CEP152: variants seen among roughly 807,000 people sequenced by gnomAD.
CEP152 encodes the protein centrosomal protein 152, also known as centrosomal protein of 152 kDa.
A neutral mutation model predicts 188.9 loss-of-function variants in CEP152; 132 were observed. The ratio of observed to expected loss-of-function variants is 0.70; its 90% CI spans 0.61 to 0.81. CEP152 has a LOEUF of 0.81. Ranked by LOEUF, CEP152 falls within the 30% of genes least tolerant of loss-of-function variation. The probability of loss-of-function intolerance (pLI) is 0.00; values close to 1 mark genes in which losing one functional copy is unlikely to be tolerated. For missense variants in CEP152, 1,914 were observed against 1,969.8 expected (o/e 0.97, Z 0.54); for synonymous variants, 649 against 666.6 (o/e 0.97, Z 0.41).
At position 48,738,854 on chromosome 15, in the gene CEP152, A is replaced by C. The variant is rs1566971351; in HGVS notation, c.4528T>G (p.Cys1510Gly). 6.2e-7 allele frequency: 1 copy of C among 1,614,218 alleles called. No homozygotes were observed. The highest frequency in any genetic ancestry group is 8.5e-7 in the Non-Finnish European group (1 of 1,180,016). ...CCTGATTCAGAAGGACCAGGGGTACATCTAGGTGAGGGTTTATTTCCTAAG... is the reference window on the plus strand; with the variant it reads ...CCTGATTCAGAAGGACCAGGGGTACCTCTAGGTGAGGGTTTATTTCCTAAG... ...GTLGNKPSPRCTPGPSESGCM... is the reference protein window; with the variant it reads ...GTLGNKPSPRGTPGPSESGCM... Residue 1510 changes from cysteine to glycine, a missense_variant, in exon 27 of 27, where the codon TGT becomes GGT. Coordinates refer to ENST00000380950, the MANE Select transcript of CEP152 (RefSeq NM_001194998.2).
At chr15:48,793,496 T>C (rs1595689882) in intron 6 of CEP152, 35 bp from the exon 7 acceptor site, 1 of 1,574,728 alleles carries the variant, frequency 6.4e-7, no homozygotes, top group Non-Finnish European at 8.7e-7. Flanking sequence ...GATAAAAACA[T>C]ACCAAAATAT....
chr15:48,735,492 T>C (rs779732112), downstream of CEP152, among the ~76,000 whole-genome samples: 3 of 152,142 alleles, frequency 2.0e-5, no homozygotes, highest in Non-Finnish European at 2.9e-5. Flanking sequence ...CCCAGCACTT[T>C]GGGAGGCGGA....
chr15:48,808,488 A>C (rs928718237), intron 1 of CEP152, among the ~76,000 whole-genome samples: 8 of 152,256 alleles, frequency 5.3e-5, no homozygotes, highest in African/African-American at 1.7e-4. Context: ...GAAATGAGAA[A>C]AAGACAATCC....
At chr15:48,758,633 C>T (rs544718809) in intron 19 of CEP152, among the ~76,000 whole-genome samples, 12 of 143,704 alleles carry the variant, frequency 8.4e-5, no homozygotes, top group Non-Finnish European at 1.5e-4. Flanking sequence ...GCAGGAGAAT[C>T]GCTTGAACCC....
chr15:48,803,717 A>C (rs890589036), intron 2 of CEP152, among the ~76,000 whole-genome samples: 1 of 152,198 alleles, frequency 6.6e-6, no homozygotes, highest in African/African-American at 2.4e-5. Context: ...ATTATCTAGA[A>C]TTAATTGCCT....
At position 48,748,488 on chromosome 15, in the gene CEP152, G is replaced by A. The variant is rs1185530126; in HGVS notation, c.3589C>T (p.Gln1197Ter). ...GCTTTGTGCTTCCTTTCTAAATGCT[G>A]AAGATGCCTACAGCATTTCTCCAGT... is the stretch of plus-strand genomic sequence containing the variant. ...GKLEKCCRHL[Q>*]HLERKHKAVV... The change falls in exon 22 of 27, where the codon CAG becomes TAG. Residue 1197 changes from glutamine (Q) to a stop codon, truncating the protein, a stop_gained. Transcript: ENST00000380950. LOFTEE classifies it high-confidence loss of function. 6.5e-7 allele frequency: 1 copy of A among 1,534,290 alleles called. No homozygotes were observed. Among genetic ancestry groups the A allele is most frequent in the African/African-American group, 1.4e-5 (1 of 72,920 alleles).
Position 48,782,223 on chromosome 15 carries a change from T to C in CEP152, c.1329A>G (p.Val443=), listed in dbSNP as rs587783415. ...QCAHLLQSGS[V]QEVAQLQFQL... The stretch of plus-strand genomic sequence containing the variant: ...GGAACTGTAGCTGAGCCACCTCTTG[T>C]ACTGACCCTGCAGAGGAAAGAACCA... Residue 443 remains valine (V), a synonymous_variant, in exon 11 of 27, where the codon GTA becomes GTG. Transcript: ENST00000380950. 2.5e-6 allele frequency: 4 copies of C among 1,613,750 alleles called. No homozygotes were observed. The highest frequency in any genetic ancestry group is 2.5e-6 in the Non-Finnish European group (3 of 1,179,744).
At chr15:48,778,584 C>T (rs184364660) in intron 12 of CEP152, among the ~76,000 whole-genome samples, 1 of 152,150 alleles carries the variant, frequency 6.6e-6, no homozygotes, top group Admixed American at 6.6e-5. Flanking sequence ...CCACTGAATG[C>T]GTCCATCATT....
intron 6 of CEP152, among the ~76,000 whole-genome samples, chr15:48,793,697 T>C (rs1262892672): frequency 1.3e-5 from 2 of 152,198 alleles, no homozygotes; most frequent in Non-Finnish European, 1.5e-5. Flanking sequence ...TTCATATAGA[T>C]ACATGTTGTA....
downstream of CEP152, among the ~76,000 whole-genome samples, chr15:48,735,043 T>G (rs529913930): frequency 1.7e-4 from 26 of 152,230 alleles, no homozygotes; most frequent in African/African-American, 5.3e-4. Flanking sequence ...GAATACTCCA[T>G]CCAAAAAGAG....
At position 48,739,298 on chromosome 15, in the gene CEP152, G is replaced by T. The variant is rs547839984; in HGVS notation, c.4094-10C>A. 6 of 1,594,220 alleles carry T rather than the reference G, an allele frequency of 3.8e-6. No individual in the cohort carries two copies. Among genetic ancestry groups the T allele is most frequent in the Non-Finnish European group, 5.1e-6 (6 of 1,173,932 alleles). On this transcript the variant is annotated splice_polypyrimidine_tract_variant and intron_variant, in intron 26 of 26. Transcript: ENST00000380950. Reference sequence around the variant, plus strand: ...GAAGTTAGGGGCAGTGCTATTATGTGCAAGGAAACACGAAATTAAGAGAAA... The same window carrying T: ...GAAGTTAGGGGCAGTGCTATTATGTTCAAGGAAACACGAAATTAAGAGAAA...
chr15:48,791,575 G>A (rs886117384), intron 7 of CEP152, among the ~76,000 whole-genome samples, 199 bp from the exon 8 acceptor site: 8 of 152,042 alleles, frequency 5.3e-5, no homozygotes, highest in Non-Finnish European at 8.8e-5. Context: ...TTGAGACAGC[G>A]TCTCACTCCG....
intron 7 of CEP152, 53 bp from the exon 8 acceptor site, chr15:48,791,429 T>C: frequency 6.8e-7 from 1 of 1,481,062 alleles, no homozygotes; most frequent in Non-Finnish European, 9.4e-7. Context: ...GGGACCCCAA[T>C]GTCACAATCC....
At chr15:48,795,952 G>A (rs946673885) in intron 6 of CEP152, 58 bp downstream of exon 6, 1 of 1,405,760 alleles carries the variant, frequency 7.1e-7, no homozygotes, top group Non-Finnish European at 1.0e-6. Flanking sequence ...TATTCATTGT[G>A]TATTCAAATT....
downstream of CEP152, among the ~76,000 whole-genome samples, chr15:48,735,538 C>T (rs768303637): frequency 5.9e-5 from 9 of 152,128 alleles, no homozygotes; most frequent in Non-Finnish European, 1.3e-4. Context: ...AGTTCAAGAA[C>T]AGCCTTGCCA....
chr15:48,781,799 T>C (rs574721172), intron 11 of CEP152, among the ~76,000 whole-genome samples: 73 of 152,244 alleles, frequency 4.8e-4, no homozygotes, highest in African/African-American at 1.7e-3. Flanking sequence ...AAAATGTAAA[T>C]AGCACTGGAG....
At position 48,791,366 on chromosome 15, in the gene CEP152, ATCCTTT is replaced by A; in HGVS notation, c.837_842del (p.Glu279_Lys280del). 6.2e-7 allele frequency: 1 copy of A among 1,611,928 alleles called. No homozygotes were observed. The highest frequency in any genetic ancestry group is 8.5e-7 in the Non-Finnish European group (1 of 1,179,436). On this transcript the variant is annotated inframe_deletion, in exon 8 of 27. Coordinates refer to ENST00000380950, the MANE Select transcript of CEP152 (RefSeq NM_001194998.2). ...ATTCTCGAAGGCTGAGAGTCAAACC[ATCCTTT>A]TCATCTACGGTATTAAAAATGTTTA... is the stretch of plus-strand genomic sequence containing the variant.
chr15:48,799,794 C>T (rs577301746), intron 2 of CEP152, among the ~76,000 whole-genome samples: 166 of 152,240 alleles, frequency 1.1e-3, no homozygotes, highest in Non-Finnish European at 1.7e-3. Context: ...TACAAAGACA[C>T]AAATGCACTA....
In CEP152 at chr15:48,738,708, C is replaced by T; in HGVS notation, c.4674G>A (p.Gln1558=). 1 of 1,614,214 alleles carries T rather than the reference C, an allele frequency of 6.2e-7. No homozygotes were observed. Among genetic ancestry groups the T allele is most frequent in the Non-Finnish European group, 8.5e-7 (1 of 1,180,032 alleles). ...ASEKSQGLDV[Q]EPPVKDGGDL... ...CCCCTCCATCTTTTACTGGAGGTTCCTGAACATCCAAACCTTGACTTTTCT... is the reference window on the plus strand; with the variant it reads ...CCCCTCCATCTTTTACTGGAGGTTCTTGAACATCCAAACCTTGACTTTTCT... Residue 1558 remains glutamine, a synonymous_variant, in exon 27 of 27, where the codon CAG becomes CAA. Transcript: ENST00000380950.
Sources: gnomAD v4.1 joint callset for allele counts (sites outside exome capture counted in the v4.1 genomes callset) on GRCh38, gnomAD v4.1.1 for gene constraint, MANE v1.5 for transcripts, NCBI Gene and HGNC (gene_info 2026-07-23, HGNC 2026-07-21) for gene names.